The following MEIS1 variants were observed in gnomAD, a reference collection of about 807,000 sequenced individuals.
MEIS1 encodes the protein Meis homeobox 1, also known as homeobox protein Meis1.
In MEIS1, 5 loss-of-function variants were observed where a neutral mutation model predicts 50.8. The ratio of observed to expected loss-of-function variants is 0.10; its 90% CI spans 0.05 to 0.21. MEIS1 has a LOEUF of 0.21. MEIS1 is among the 10% of genes least tolerant of loss of function. MEIS1 has a pLI of 1.00. For missense variants in MEIS1, 318 were observed against 517.3 expected (o/e 0.61, Z 3.74); for synonymous variants, 176 against 179.3 (o/e 0.98, Z 0.15).
At chr2:66,553,720 A>G (rs755210878) in intron 9 of MEIS1, among the ~76,000 whole-genome samples, 7 of 152,216 alleles carry the variant, frequency 4.6e-5, no homozygotes, top group Non-Finnish European at 5.9e-5. Context: ...AATTTCCAAC[A>G]AACAATCTTC....
chr2:66,473,397 A>AAAAAAAATATATAT, intron 7 of MEIS1, among the ~76,000 whole-genome samples: 42 of 107,566 alleles, frequency 3.9e-4, no homozygotes, highest in African/African-American at 9.3e-4. Context: ...AAAAAAAAAA[A>AAAAAAAATATATAT]ATATATATAT....
intron 9 of MEIS1, among the ~76,000 whole-genome samples, chr2:66,552,294 C>G (rs889747900): frequency 6.6e-6 from 1 of 152,148 alleles, no homozygotes; most frequent in Non-Finnish European, 1.5e-5. Context: ...ATACATTTTA[C>G]AGTTTCTTTG....
intron 6 of MEIS1, among the ~76,000 whole-genome samples, chr2:66,446,378 C>A (rs1411934219): frequency 6.6e-6 from 1 of 152,124 alleles, no homozygotes; most frequent in East Asian, 1.9e-4. Flanking sequence ...ATTTTCCACT[C>A]CAAGAACGCG....
chr2:66,511,471 A>G (rs1240792076), intron 7 of MEIS1, among the ~76,000 whole-genome samples: 1 of 152,172 alleles, frequency 6.6e-6, no homozygotes, highest in Non-Finnish European at 1.5e-5. Context: ...TATTAGTGTA[A>G]TACAATTCTA....
At chr2:66,453,313 G>C (rs1672316080) in intron 6 of MEIS1, among the ~76,000 whole-genome samples, 1 of 151,876 alleles carries the variant, frequency 6.6e-6, no homozygotes, top group Non-Finnish European at 1.5e-5. Context: ...ATAATCTCTA[G>C]AATAATAGCC....
intron 4 of MEIS1, 121 bp from the exon 5 acceptor site, chr2:66,441,293 G>T: frequency 1.3e-6 from 1 of 774,142 alleles, no homozygotes. Context: ...TAGTGTTATT[G>T]CCATAAATCA....
intron 12 of MEIS1, chr2:66,570,390 C>T (rs1675455396): frequency 6.6e-6 from 1 of 152,118 alleles, no homozygotes; most frequent in Admixed American, 6.5e-5. Flanking sequence ...GATTAAAGAG[C>T]TGTGGGTACA....
At chr2:66,503,133 A>G (rs1325026305) in intron 7 of MEIS1, among the ~76,000 whole-genome samples, 1 of 152,202 alleles carries the variant, frequency 6.6e-6, no homozygotes, top group African/African-American at 2.4e-5. Context: ...TGAACTAGAA[A>G]GAGACTGGGA....
At chr2:66,515,868 C>A (rs889923723) in intron 8 of MEIS1, among the ~76,000 whole-genome samples, 1 of 152,110 alleles carries the variant, frequency 6.6e-6, no homozygotes, top group Non-Finnish European at 1.5e-5. Context: ...ACAATTAAAA[C>A]GTGCTTAATA....
intron 7 of MEIS1, among the ~76,000 whole-genome samples, chr2:66,488,626 C>A (rs1051571408): frequency 2.6e-5 from 4 of 151,974 alleles, no homozygotes; most frequent in Admixed American, 2.6e-4. Context: ...TGCAGTGAGC[C>A]GAGATCGCGC....
chr2:66,555,733 C>T (rs1675046514), intron 9 of MEIS1, among the ~76,000 whole-genome samples: 1 of 152,108 alleles, frequency 6.6e-6, no homozygotes, highest in Non-Finnish European at 1.5e-5. Flanking sequence ...CAGAGAGACC[C>T]TCTCTCTCCT....
intron 7 of MEIS1, among the ~76,000 whole-genome samples, chr2:66,511,550 T>C (rs1198837793): frequency 1.3e-5 from 2 of 152,214 alleles, no homozygotes; most frequent in Non-Finnish European, 2.9e-5. Flanking sequence ...AGAAACTATG[T>C]CAGGGGTTTT....
intron 9 of MEIS1, among the ~76,000 whole-genome samples, chr2:66,552,044 C>CAT (rs1236868961): frequency 2.0e-5 from 3 of 151,992 alleles, no homozygotes; most frequent in Non-Finnish European, 4.4e-5. Flanking sequence ...CACACACACA[C>CAT]ACACACACAC....
chr2:66,479,868 T>G (rs1231491974), intron 7 of MEIS1, among the ~76,000 whole-genome samples: 1 of 152,238 alleles, frequency 6.6e-6, no homozygotes, highest in East Asian at 1.9e-4. Context: ...CTGCCCTATT[T>G]GCTCTTTAAA....
chr2:66,536,490 C>T (rs1674521207), intron 8 of MEIS1, among the ~76,000 whole-genome samples: 1 of 152,194 alleles, frequency 6.6e-6, no homozygotes, highest in African/African-American at 2.4e-5. Context: ...GCATGTTTTA[C>T]ACTTTTGTTA....
At chr2:66,445,927 C>G (rs1191912905) in intron 6 of MEIS1, among the ~76,000 whole-genome samples, 1 of 152,188 alleles carries the variant, frequency 6.6e-6, no homozygotes, top group Non-Finnish European at 1.5e-5. Flanking sequence ...GTCTTCCGGG[C>G]CGCCTGGAGG....
intron 8 of MEIS1, among the ~76,000 whole-genome samples, chr2:66,521,431 G>C (rs966348710): frequency 1.3e-5 from 2 of 151,842 alleles, no homozygotes; most frequent in South Asian, 2.1e-4. Flanking sequence ...TATGGAGATA[G>C]AGGAAACTGC....
intron 9 of MEIS1, among the ~76,000 whole-genome samples, chr2:66,549,979 C>G (rs1050577051): frequency 5.0e-4 from 76 of 152,088 alleles, no homozygotes; most frequent in Non-Finnish European, 7.4e-5. Flanking sequence ...CAGTCTCTGC[C>G]GGAGAGCAAT....
chr2:66,495,057 A>C, intron 7 of MEIS1, among the ~76,000 whole-genome samples: 1 of 148,082 alleles, frequency 6.8e-6, no homozygotes, highest in Non-Finnish European at 1.5e-5. Flanking sequence ...CAGATTCAGA[A>C]TGCCCACTTT....
Sources: allele counts gnomAD v4.1 joint callset (sites outside exome capture counted in the v4.1 genomes callset), GRCh38; gene constraint gnomAD v4.1.1; transcripts MANE v1.5; gene names NCBI Gene and HGNC (gene_info 2026-07-23, HGNC 2026-07-21).